The following CPM variants were observed in gnomAD, a reference collection of about 807,000 sequenced individuals.
CPM encodes renal carboxypeptidase.
CPM carries 35 observed loss-of-function variants against 46.4 expected under a neutral mutation model. That is an observed-to-expected ratio of 0.75 (90% CI 0.58 to 1.00). CPM has a LOEUF of 1.00. Ranked by LOEUF, CPM falls within the 50% of genes least tolerant of loss-of-function variation. The pLI is 0.00. For synonymous variants in CPM, 195 were observed against 195.3 expected (o/e 1.00, Z 0.01); for missense variants, 422 against 530.4 (o/e 0.80, Z 2.01).
At chr12:68,960,578 C>T (rs10784737) in intron 1 of CPM, among the ~76,000 whole-genome samples, 55,158 of 152,034 alleles carry the variant, frequency 0.36, 10,160 homozygotes, top group South Asian at 0.48. Flanking sequence ...CACTGCTGAG[C>T]CTAGAACATC....
At chr12:68,847,001 G>A (rs1453757278), downstream of CPM, 13 of 150,882 alleles carry the variant, frequency 8.6e-5, no homozygotes, top group Admixed American at 8.6e-4. Flanking sequence ...TTTGTTTTTT[G>A]CTGAGACAGG....
rs1016315491 is a variant in CPM at position 68,926,615 on chromosome 12, G to T, written c.160+6063C>A. Reference sequence around the variant, plus strand: ...TTAGGGTACATGTGCACAATGTGCAGGTTAGTTACATATGTATACATGTGC... The same window carrying T: ...TTAGGGTACATGTGCACAATGTGCATGTTAGTTACATATGTATACATGTGC... On this transcript the variant is annotated intron_variant, in intron 2 of 8. Coordinates refer to ENST00000551568, the MANE Select transcript of CPM (RefSeq NM_198320.5). 5.3e-5 allele frequency among the ~76,000 whole-genome samples: 8 copies of T among 152,026 alleles called. No homozygotes were observed. The South Asian group carries it at 6.2e-4, about 12-fold the overall frequency.
At chr12:68,845,164 T>C (rs948600069) in intron 5 of CPM, 1 of 223,534 alleles carries the variant, frequency 4.5e-6, no homozygotes, top group Non-Finnish European at 8.9e-6. Flanking sequence ...TTAGTTGCGC[T>C]TTATGGGTGG....
chr12:68,961,883 T>G (rs1352346511), intron 1 of CPM, among the ~76,000 whole-genome samples: 5 of 152,088 alleles, frequency 3.3e-5, no homozygotes, highest in Non-Finnish European at 5.9e-5. Flanking sequence ...TTTCGTGGTC[T>G]TTTTAAAATA....
intron 1 of CPM, among the ~76,000 whole-genome samples, chr12:68,951,685 G>A (rs566385831): frequency 2.8e-4 from 43 of 152,286 alleles, no homozygotes; most frequent in South Asian, 6.2e-4. Flanking sequence ...CGAGTGGGTC[G>A]TATGTCCAGA....
At position 68,859,072 on chromosome 12, in the gene CPM, C is replaced by T. The variant is rs774388892; in HGVS notation, c.941-1G>A. On this transcript the variant is annotated splice_acceptor_variant, in intron 7 of 8. Transcript: ENST00000551568. LOFTEE classifies it high-confidence loss of function. The stretch of plus-strand genomic sequence containing the variant: ...TGATCAAAAACTTGACCCTTTACAC[C>T]TGCAAGACAAAAATAAAATTAAATA... The T allele has an allele frequency of 6.2e-6, 9 of 1,460,610 alleles. No homozygotes were observed. Among genetic ancestry groups the T allele is most frequent in the Non-Finnish European group, 8.1e-6 (9 of 1,107,410 alleles). The allele number at this position is 1,460,610 out of a possible 1,614,324, so 90.5% of individuals were successfully genotyped here. A position where few individuals can be genotyped will look rare whatever the true frequency, so the allele number is the denominator to read the frequency against.
intron 2 of CPM, among the ~76,000 whole-genome samples, chr12:68,902,716 A>T (rs546218123): frequency 6.6e-6 from 1 of 152,372 alleles, no homozygotes; most frequent in Admixed American, 6.5e-5. Flanking sequence ...AGGTATTATT[A>T]TCCTCATTTT....
At chr12:68,843,066 C>T (rs1186211280) in intron 5 of CPM, 3 of 220,000 alleles carry the variant, frequency 1.4e-5, no homozygotes, top group Non-Finnish European at 2.7e-5. Flanking sequence ...GATGTTATCT[C>T]AGTGCCTTTT....
At chr12:68,946,076 G>A (rs1267910527) in intron 1 of CPM, among the ~76,000 whole-genome samples, 2 of 151,804 alleles carry the variant, frequency 1.3e-5, no homozygotes, top group Non-Finnish European at 2.9e-5. Flanking sequence ...GGCTGGTCTC[G>A]AACTTCTGGG....
At chr12:68,876,196 C>A (rs543807805) in intron 3 of CPM, among the ~76,000 whole-genome samples, 19 of 152,078 alleles carry the variant, frequency 1.2e-4, no homozygotes, top group Admixed American at 6.5e-4. Flanking sequence ...CAATAGTCCA[C>A]AACAAATCAC....
chr12:68,847,449 TTTC>T (rs1351094025), downstream of CPM: 17 of 78,350 alleles, frequency 2.2e-4, no homozygotes, highest in Admixed American at 1.1e-3. Context: ...TTGTATCTCC[TTTC>T]TTTTTTTTTT....
intron 1 of CPM, among the ~76,000 whole-genome samples, chr12:68,956,817 T>A (rs1162229532): frequency 6.6e-6 from 1 of 152,216 alleles, no homozygotes; most frequent in Non-Finnish European, 1.5e-5. Flanking sequence ...TGGATAGACA[T>A]AAAATGTGAT....
At chr12:68,908,819 G>A (rs546157091) in intron 2 of CPM, among the ~76,000 whole-genome samples, 1 of 152,260 alleles carries the variant, frequency 6.6e-6, no homozygotes, top group East Asian at 1.9e-4. Flanking sequence ...CAAAGATACT[G>A]AAAATGGAGC....
At chr12:68,919,733 C>T (rs1009307016) in intron 2 of CPM, among the ~76,000 whole-genome samples, 5 of 152,198 alleles carry the variant, frequency 3.3e-5, no homozygotes, top group African/African-American at 1.2e-4. Flanking sequence ...AAGGAACTGA[C>T]AGTAACACAT....
intron 2 of CPM, among the ~76,000 whole-genome samples, chr12:68,898,712 T>C (rs1259267642): frequency 6.6e-6 from 1 of 152,230 alleles, no homozygotes; most frequent in Non-Finnish European, 1.5e-5. Context: ...GACATAATGA[T>C]GAAATGTGCA....
rs2136206066 is a variant in CPM, at chr12:68,852,166, A to G, written c.*4271T>C. The G allele has an allele frequency of 6.6e-6, 1 of 152,352 alleles. No homozygotes were observed. Among genetic ancestry groups the G allele is most frequent in the Non-Finnish European group, 1.5e-5 (1 of 68,032 alleles). The allele number at this position is 152,352 out of a possible 1,614,324, so 9.4% of individuals were successfully genotyped here. A position where few individuals can be genotyped will look rare whatever the true frequency, so the allele number is the denominator to read the frequency against. On this transcript the variant is annotated 3_prime_UTR_variant, in exon 9 of 9. Transcript: ENST00000551568. ...TGGAAAGACTTTTGGAAATGTTGAGAAAAAGCTTTTAACATTTCAGATACA... is the reference window on the plus strand; with the variant it reads ...TGGAAAGACTTTTGGAAATGTTGAGGAAAAGCTTTTAACATTTCAGATACA...
chr12:68,915,418 G>A (rs1259434220), intron 2 of CPM, among the ~76,000 whole-genome samples: 1 of 152,186 alleles, frequency 6.6e-6, no homozygotes, highest in African/African-American at 2.4e-5. Flanking sequence ...TCCCTGGACT[G>A]CTCCTGCCAC....
At position 68,883,476 on chromosome 12, in the gene CPM, G is replaced by A. The variant is rs553413731; in HGVS notation, c.258+2316C>T. Among the ~76,000 whole-genome samples, 121 of 152,194 alleles carry A rather than the reference G, an allele frequency of 8.0e-4. 1 individual carries two copies. The highest frequency in any genetic ancestry group is 2.7e-3 in the African/African-American group (111 of 41,506). On this transcript the variant is annotated intron_variant, in intron 3 of 8. Transcript: ENST00000551568. ...ATTGCCACGAGCTGGGTCACATAAG[G>A]GGGTAAAAGTGCTTCAGATTCCCAC...
chr12:68,945,707 C>T (rs561957738), intron 1 of CPM, among the ~76,000 whole-genome samples: 2 of 152,104 alleles, frequency 1.3e-5, no homozygotes, highest in Non-Finnish European at 1.5e-5. Flanking sequence ...GTCTTAGCTT[C>T]AGGAGTCCTT....
Sources: allele counts gnomAD v4.1 joint callset (sites outside exome capture counted in the v4.1 genomes callset), GRCh38; gene constraint gnomAD v4.1.1; transcripts MANE v1.5; gene names NCBI Gene and HGNC (gene_info 2026-07-23, HGNC 2026-07-21).